OPN4: variants seen among roughly 807,000 people sequenced by gnomAD.
OPN4 encodes melanopsin.
OPN4 carries 43 observed loss-of-function variants against 49.5 expected under a neutral mutation model. The observed-to-expected ratio is 0.87, with a 90% confidence interval of 0.68 to 1.12. The LOEUF is 1.12. OPN4 is among the 50% of genes most tolerant of loss of function. The probability of loss-of-function intolerance (pLI) is 0.00; values close to 1 mark genes in which losing one functional copy is unlikely to be tolerated. For synonymous variants in OPN4, 263 were observed against 258.0 expected, an observed-to-expected ratio of 1.02 and a Z score of -0.19; for missense variants, 657 against 643.9, an observed-to-expected ratio of 1.02 and a Z score of -0.22.
chr10:86,660,222 G>A (rs947550081), intron 6 of OPN4, among the ~76,000 whole-genome samples, 163 bp downstream of exon 6: 11 of 152,226 alleles, frequency 7.2e-5, no homozygotes, highest in Non-Finnish European at 1.6e-4. Flanking sequence ...CCCAGCCCCG[G>A]GGTGGGTGGG....
In OPN4 at chr10:86,665,977, C is replaced by A; in HGVS notation, c.*226C>A. 2 of 565,044 alleles carry A rather than the reference C, an allele frequency of 3.5e-6. No homozygotes were observed. Among genetic ancestry groups the A allele is most frequent in the Non-Finnish European group, 6.3e-6 (2 of 319,246 alleles). 35.0% of individuals were successfully genotyped at this position (565,044 alleles called of 1,614,324 possible). A position where few individuals can be genotyped will look rare whatever the true frequency, so the allele number is the denominator to read the frequency against. On this transcript the variant is annotated 3_prime_UTR_variant, in exon 10 of 10. Transcript: ENST00000241891. ...CACTTTCCAGCTCAGCAGCCGCACC[C>A]GAGGCTCAGCCTGAGGGGTATGTGC...
chr10:86,657,171 C>T (rs192848661), intron 2 of OPN4: 6 of 780,300 alleles, frequency 7.7e-6, no homozygotes, highest in Admixed American at 1.7e-5. Flanking sequence ...CCTCCTTGAG[C>T]TCACTTTTCT....
rs1031146656 is a variant in OPN4 at position 86,658,498 on chromosome 10, G to A, written c.439G>A (p.Ala147Thr). 2 of 1,614,058 alleles carry A rather than the reference G, an allele frequency of 1.2e-6. No individual in the cohort carries two copies. Among genetic ancestry groups the A allele is most frequent in the Non-Finnish European group, 8.5e-7 (1 of 1,180,048 alleles). ...LFGETGCEFY[A>T]FCGALFGISS... ...TGTGCCCACAGGCTGCGAGTTCTAT[G>A]CCTTCTGTGGAGCTCTCTTTGGCAT... The change falls in exon 4 of 10, where the codon GCC becomes ACC. Residue 147 changes from alanine to threonine, a missense_variant. Coordinates refer to ENST00000241891, the MANE Select transcript of OPN4 (RefSeq NM_033282.4).
chr10:86,661,395 C>T lies in OPN4; in HGVS notation c.1073+7C>T. On this transcript the variant is annotated splice_region_variant and intron_variant, in intron 7 of 9. Transcript: ENST00000241891. ...TCACCCACCCCAAGTACAGGTGTGG[C>T]TCTTTTCCAGAACCCCACACCTTGG... 1.2e-6 allele frequency: 2 copies of T among 1,606,804 alleles called. No homozygotes were observed. Among genetic ancestry groups the T allele is most frequent in the Non-Finnish European group, 1.7e-6 (2 of 1,173,742 alleles).
rs767208026 is a variant in OPN4 at position 86,661,336 on chromosome 10, G to A, written c.1021G>A (p.Ala341Thr). 4 of 1,614,040 alleles carry A rather than the reference G, an allele frequency of 2.5e-6. No individual in the cohort carries two copies. The highest frequency in any genetic ancestry group is 2.5e-6 in the Non-Finnish European group (3 of 1,179,988). ...CTCGGTGCCAGCCGTCATCGCCAAG[G>A]CCTCTGCAATCCACAACCCCATCAT... ...MSSVPAVIAK[A>T]SAIHNPIIYA... Residue 341 changes from alanine to threonine, a missense_variant, in exon 7 of 10, where the codon GCC (alanine) becomes ACC (threonine). By Grantham distance (58) the Ala-to-Thr change is moderately conservative. Transcript: ENST00000241891.
intron 5 of OPN4, 133 bp downstream of exon 5, chr10:86,659,601 C>T (rs1843954934): frequency 7.8e-7 from 1 of 1,280,766 alleles, no homozygotes; most frequent in Non-Finnish European, 1.1e-6. Context: ...TGAGCAAGTG[C>T]TTATGGGGCA....
chr10:86,657,956 C>T, intron 2 of OPN4, 76 bp from the exon 3 acceptor site: 2 of 1,505,294 alleles, frequency 1.3e-6, no homozygotes, highest in East Asian at 2.3e-5. Context: ...CACATGCATA[C>T]CTGAGGGGTG....
At chr10:86,660,884 T>A (rs2132305475) in intron 6 of OPN4, among the ~76,000 whole-genome samples, 1 of 152,294 alleles carries the variant, frequency 6.6e-6, no homozygotes, top group African/African-American at 2.4e-5. Context: ...CCCAGCACTT[T>A]GGGAGGCCAA....
Position 86,654,833 on chromosome 10 carries a change from C to T in OPN4, c.50C>T (p.Pro17Leu). The change falls in exon 1 of 10, where the codon CCC becomes CTC. Residue 17 changes from proline (P) to leucine (L), a missense_variant. By Grantham distance (98) the Pro-to-Leu change is moderately conservative (BLOSUM62 -3). Transcript: ENST00000241891. ...GTCCCGCCCAGCCCAACCCAAGAGCCCAGCTGCATGGCCACCCCAGCACCA... is the reference window on the plus strand; with the variant it reads ...GTCCCGCCCAGCCCAACCCAAGAGCTCAGCTGCATGGCCACCCCAGCACCA... ...PRVPPSPTQE[P>L]SCMATPAPPS... 6.2e-7 allele frequency: 1 copy of T among 1,613,724 alleles called. No individual in the cohort carries two copies. Among genetic ancestry groups the T allele is most frequent in the Admixed American group, 1.7e-5 (1 of 60,030 alleles).
intron 4 of OPN4, 76 bp from the exon 5 acceptor site, chr10:86,659,221 A>T: frequency 8.4e-7 from 1 of 1,197,178 alleles, no homozygotes; most frequent in Non-Finnish European, 1.2e-6. Flanking sequence ...CCCGAATGCC[A>T]CATACAAAGC....
intron 2 of OPN4, among the ~76,000 whole-genome samples, 176 bp downstream of exon 2, chr10:86,656,476 G>A (rs541791864): frequency 5.9e-5 from 9 of 152,318 alleles, no homozygotes; most frequent in Middle Eastern, 3.4e-3. Context: ...TGAAGGTCAC[G>A]GAAAGGGCCA....
chr10:86,660,044 T>C lies in OPN4; in HGVS notation c.950T>C (p.Leu317Pro). 1.2e-6 allele frequency: 2 copies of C among 1,614,190 alleles called. No individual in the cohort carries two copies. Among genetic ancestry groups the C allele is most frequent in the African/African-American group, 2.7e-5 (2 of 75,054 alleles). ...TGGGCTCCCTATTCCGCTGTGGCCC[T>C]GGTGGCCTTTGCTGGGTAAGCAGTG... ...LSWAPYSAVA[L>P]VAFAGYAHVL... The change falls in exon 6 of 10, where the codon CTG becomes CCG. Residue 317 changes from leucine (L) to proline (P), a missense_variant. Leu to Pro is a moderately conservative substitution (Grantham distance 98). Coordinates refer to ENST00000241891, the MANE Select transcript of OPN4 (RefSeq NM_033282.4).
chr10:86,654,639 G>C lies in OPN4; in HGVS notation c.-145G>C. ...AAGAGCAGCTCCAGGCTGGATCTGC[G>C]CCGGACACAGGAGAAAGCAGCGGGT... On this transcript the variant is annotated 5_prime_UTR_variant, in exon 1 of 10. Transcript: ENST00000241891. 8.5e-7 allele frequency: 1 copy of C among 1,183,424 alleles called. No individual in the cohort carries two copies. Among genetic ancestry groups the C allele is most frequent in the Non-Finnish European group, 1.2e-6 (1 of 844,168 alleles). 73.3% of individuals were successfully genotyped at this position (1,183,424 alleles called of 1,614,324 possible).
chr10:86,662,419 C>T lies in OPN4; in HGVS notation c.1241C>T (p.Ser414Leu), dbSNP rs926293228. Residue 414 changes from serine to leucine, a missense_variant, in exon 8 of 10, where the codon TCG (serine) becomes TTG (leucine). By Grantham distance (145) the Ser-to-Leu change is moderately radical (BLOSUM62 -2). Coordinates refer to ENST00000241891, the MANE Select transcript of OPN4 (RefSeq NM_033282.4). Reference sequence around the variant, plus strand: ...CGGAGGCGCCAGGAGTCCCTGGGCTCGGAGAGTGAGGTGGTAAGGATGCTG... The same window carrying T: ...CGGAGGCGCCAGGAGTCCCTGGGCTTGGAGAGTGAGGTGGTAAGGATGCTG... Reference protein sequence around the residue: ...SIRRRQESLGSESEVGWTHME... With the variant: ...SIRRRQESLGLESEVGWTHME... 19 of 1,550,844 alleles carry T rather than the reference C, an allele frequency of 1.2e-5. No homozygotes were observed. The highest frequency in any genetic ancestry group is 5.5e-5 in the African/African-American group (4 of 73,338).
At chr10:86,656,038 C>A in intron 1 of OPN4, 117 bp from the exon 2 acceptor site, 1 of 1,351,748 alleles carries the variant, frequency 7.4e-7, no homozygotes. Context: ...CTGGCTTTGC[C>A]ACTCTGAGCC....
At chr10:86,662,972 G>A (rs1012445386) in intron 8 of OPN4, among the ~76,000 whole-genome samples, 1 of 152,222 alleles carries the variant, frequency 6.6e-6, no homozygotes, top group Non-Finnish European at 1.5e-5. Flanking sequence ...GAGGCTCCAC[G>A]TCCTCCTCTG....
At chr10:86,662,125 A>G in intron 7 of OPN4, 127 bp from the exon 8 acceptor site, 1 of 745,546 alleles carries the variant, frequency 1.3e-6, no homozygotes, top group South Asian at 1.8e-5. Flanking sequence ...CCAGGGTCTG[A>G]GCCTCCCCAT....
At chr10:86,665,599 C>T in intron 9 of OPN4, 114 bp from the exon 10 acceptor site, 1 of 832,796 alleles carries the variant, frequency 1.2e-6, no homozygotes, top group Non-Finnish European at 2.0e-6. Context: ...CACAACCTGG[C>T]CCTTCCATGC....
intron 9 of OPN4, 77 bp from the exon 10 acceptor site, chr10:86,665,636 G>A (rs2132312693): frequency 8.1e-7 from 1 of 1,230,174 alleles, no homozygotes; most frequent in East Asian, 2.3e-5. Flanking sequence ...CGGTGACCCA[G>A]TGTGTGGAGG....
Sources: allele counts gnomAD v4.1 joint callset (sites outside exome capture counted in the v4.1 genomes callset), GRCh38; gene constraint gnomAD v4.1.1; transcripts MANE v1.5; gene names NCBI Gene and HGNC (gene_info 2026-07-23, HGNC 2026-07-21).